The following NRG3 variants were observed in gnomAD, a reference collection of about 807,000 sequenced individuals.
The protein encoded by NRG3 is pro-neuregulin-3, membrane-bound isoform.
A neutral mutation model predicts 66.9 loss-of-function variants in NRG3; 31 were observed. The ratio of observed to expected loss-of-function variants is 0.46; its 90% CI spans 0.35 to 0.63. NRG3 has a LOEUF of 0.63. Ranked by LOEUF, NRG3 falls within the 20% of genes least tolerant of loss-of-function variation. The pLI is 0.00. For missense variants in NRG3, 910 were observed against 878.9 expected (o/e 1.04, Z -0.45); for synonymous variants, 393 against 359.4 (o/e 1.09, Z -1.06).
chr10:82,737,686 C>T (rs1322273452), intron 2 of NRG3, among the ~76,000 whole-genome samples: 1 of 152,156 alleles, frequency 6.6e-6, no homozygotes, highest in Non-Finnish European at 1.5e-5. Context: ...CTTAACAAGG[C>T]TGTTCAGAGC....
chr10:82,507,568 T>C (rs1333661531), intron 2 of NRG3, among the ~76,000 whole-genome samples: 3 of 152,074 alleles, frequency 2.0e-5, no homozygotes, highest in African/African-American at 7.2e-5. Context: ...GGATGCCACA[T>C]CTGACTCTGC....
chr10:82,056,206 A>T (rs1188478186), intron 1 of NRG3, among the ~76,000 whole-genome samples: 1 of 152,184 alleles, frequency 6.6e-6, no homozygotes, highest in African/African-American at 2.4e-5. Flanking sequence ...GAGATGGTTA[A>T]GGAGTTTAAT....
At chr10:82,028,567 C>T (rs887387881) in intron 1 of NRG3, among the ~76,000 whole-genome samples, 1 of 151,998 alleles carries the variant, frequency 6.6e-6, no homozygotes, top group African/African-American at 2.4e-5. Flanking sequence ...TTCACTTTGG[C>T]CAAATTGAAT....
chr10:82,279,626 C>T (rs560138267), intron 1 of NRG3, among the ~76,000 whole-genome samples: 76 of 152,238 alleles, frequency 5.0e-4, no homozygotes, highest in African/African-American at 1.8e-3. Flanking sequence ...AAATGATTTT[C>T]CTTAAATCAC....
chr10:82,400,338 A>G (rs570223753), intron 2 of NRG3, among the ~76,000 whole-genome samples: 72 of 152,286 alleles, frequency 4.7e-4, no homozygotes, highest in African/African-American at 1.7e-3. Flanking sequence ...TAAATTGCAT[A>G]GGTGAGAATA....
At chr10:81,930,734 T>C (rs1847262323) in intron 1 of NRG3, among the ~76,000 whole-genome samples, 1 of 152,076 alleles carries the variant, frequency 6.6e-6, no homozygotes, top group South Asian at 2.1e-4. Flanking sequence ...AGGTGCATCA[T>C]CGCATGTAGA....
chr10:82,119,481 A>G (rs1245139046), intron 1 of NRG3, among the ~76,000 whole-genome samples: 2 of 152,208 alleles, frequency 1.3e-5, no homozygotes, highest in African/African-American at 4.8e-5. Context: ...CTAAAGATAA[A>G]TAAATGGAGG....
intron 2 of NRG3, among the ~76,000 whole-genome samples, chr10:82,623,982 C>A (rs1191519979): frequency 1.3e-5 from 2 of 152,120 alleles, no homozygotes; most frequent in East Asian, 1.9e-4. Flanking sequence ...CCTCTGAATT[C>A]TTCTAGCGTA....
intron 4 of NRG3, among the ~76,000 whole-genome samples, chr10:82,909,864 G>A (rs554562601): frequency 6.6e-6 from 1 of 152,308 alleles, no homozygotes; most frequent in East Asian, 1.9e-4. Flanking sequence ...AGCAGTGTAA[G>A]TGTGAACCAT....
At chr10:82,582,371 G>T (rs1850245594) in intron 2 of NRG3, among the ~76,000 whole-genome samples, 1 of 152,046 alleles carries the variant, frequency 6.6e-6, no homozygotes, top group African/African-American at 2.4e-5. Flanking sequence ...TTCACAAAGG[G>T]CAGGGGGATG....
chr10:82,935,933 G>A (rs959997819), intron 4 of NRG3, among the ~76,000 whole-genome samples: 1 of 151,716 alleles, frequency 6.6e-6, no homozygotes, highest in Non-Finnish European at 1.5e-5. Flanking sequence ...TTTACATAAA[G>A]ATCAAAAATA....
chr10:82,705,057 A>G (rs1039793447), intron 2 of NRG3, among the ~76,000 whole-genome samples: 1 of 152,224 alleles, frequency 6.6e-6, no homozygotes, highest in Admixed American at 6.5e-5. Context: ...CATCAGACAG[A>G]AAATCCTGAA....
At chr10:82,302,759 A>T (rs2134802275) in intron 1 of NRG3, among the ~76,000 whole-genome samples, 1 of 152,306 alleles carries the variant, frequency 6.6e-6, no homozygotes, top group African/African-American at 2.4e-5. Flanking sequence ...GTAACTTTAA[A>T]TGTGACAAGA....
chr10:81,993,534 A>T (rs1360376515), intron 1 of NRG3, among the ~76,000 whole-genome samples: 1 of 151,792 alleles, frequency 6.6e-6, no homozygotes, highest in Non-Finnish European at 1.5e-5. Flanking sequence ...TTTTGTAGAG[A>T]TGGGGTCTTG....
chr10:82,880,878 C>T (rs962457733), intron 4 of NRG3, among the ~76,000 whole-genome samples: 1 of 152,218 alleles, frequency 6.6e-6, no homozygotes, highest in African/African-American at 2.4e-5. Flanking sequence ...GCAACCCCTG[C>T]TGTAGGGCCA....
chr10:81,942,663 C>T (rs377287336), intron 1 of NRG3, among the ~76,000 whole-genome samples: 1 of 152,182 alleles, frequency 6.6e-6, no homozygotes, highest in East Asian at 1.9e-4. Flanking sequence ...CTTATCTTTC[C>T]TCAATTCACT....
intron 1 of NRG3, among the ~76,000 whole-genome samples, chr10:82,315,345 T>C (rs2081238667): frequency 6.6e-6 from 1 of 152,204 alleles, no homozygotes. Flanking sequence ...AGCTGATCTT[T>C]GCCTTTCAGG....
intron 2 of NRG3, among the ~76,000 whole-genome samples, chr10:82,511,358 A>G (rs941904384): frequency 1.3e-5 from 2 of 152,224 alleles, no homozygotes; most frequent in African/African-American, 2.4e-5. Context: ...ATCCCAGCTT[A>G]TCACTTAAAA....
chr10:82,965,781 A>G (rs989152744), intron 6 of NRG3, among the ~76,000 whole-genome samples: 32 of 152,190 alleles, frequency 2.1e-4, no homozygotes, highest in Middle Eastern at 3.4e-3. Flanking sequence ...TAAAATGTCC[A>G]AAAGCTATGA....
Sources: allele counts gnomAD v4.1 joint callset (sites outside exome capture counted in the v4.1 genomes callset), GRCh38; gene constraint gnomAD v4.1.1; transcripts MANE v1.5; gene names NCBI Gene and HGNC (gene_info 2026-07-23, HGNC 2026-07-21).